MYLK: variants seen among roughly 807,000 people sequenced by gnomAD.
MYLK encodes myosin light chain kinase.
MYLK carries 106 observed loss-of-function variants against 203.4 expected under a neutral mutation model. The observed-to-expected ratio is 0.52, with a 90% CI of 0.45 to 0.61. MYLK has a LOEUF of 0.61. Ranked by LOEUF, MYLK falls within the 20% of genes least tolerant of loss-of-function variation. MYLK has a pLI of 0.00. For missense variants in MYLK, 2,072 were observed against 2,442.3 expected (o/e 0.85, Z 3.20); for synonymous variants, 867 against 959.5 (o/e 0.90, Z 1.78).
At position 123,709,902 on chromosome 3, in the gene MYLK, T is replaced by C; in HGVS notation, c.1805-9A>G. The stretch of plus-strand genomic sequence containing the variant: ...CCTGCTACTCTTCTTTTCTGTGTGG[T>C]AGAAAACAGAACGTGGGGTGAACAT... On this transcript the variant is annotated splice_polypyrimidine_tract_variant and intron_variant, in intron 13 of 33. Coordinates refer to ENST00000360304, the MANE Select transcript of MYLK (RefSeq NM_053025.4). 6.2e-7 allele frequency: 1 copy of C among 1,613,948 alleles called. No homozygotes were observed. Among genetic ancestry groups the C allele is most frequent in the East Asian group, 2.2e-5 (1 of 44,882 alleles).
chr3:123,782,029 C>T (rs962659121), intron 4 of MYLK, among the ~76,000 whole-genome samples: 6 of 152,148 alleles, frequency 3.9e-5, no homozygotes, highest in Non-Finnish European at 7.4e-5. Context: ...AGAGAACACA[C>T]ACTACAACAG....
intron 3 of MYLK, among the ~76,000 whole-genome samples, chr3:123,796,228 A>T (rs2064981386): frequency 6.6e-6 from 1 of 152,168 alleles, no homozygotes; most frequent in Non-Finnish European, 1.5e-5. Context: ...TTACAACAAC[A>T]CTATGAGACA....
chr3:123,683,299 G>A (rs1452334820), intron 19 of MYLK, among the ~76,000 whole-genome samples: 1 of 151,414 alleles, frequency 6.6e-6, no homozygotes, highest in Non-Finnish European at 1.5e-5. Flanking sequence ...GGGTGGGGGT[G>A]GGTGGGGGGA....
chr3:123,802,239 T>C (rs533867955), intron 3 of MYLK, among the ~76,000 whole-genome samples: 1 of 152,216 alleles, frequency 6.6e-6, no homozygotes, highest in Non-Finnish European at 1.5e-5. Context: ...CGGGGTACAA[T>C]CTCAGGGTTT....
At chr3:123,620,151 C>G in intron 32 of MYLK, 56 bp downstream of exon 32, 1 of 1,476,230 alleles carries the variant, frequency 6.8e-7, no homozygotes, top group Middle Eastern at 1.7e-4. Context: ...TCAAAATGCC[C>G]CTTTGTTCCC....
At position 123,863,200 on chromosome 3, in the gene MYLK, A is replaced by G. The variant is rs1210967304; in HGVS notation, c.-127+13359T>C. Among the ~76,000 whole-genome samples the G allele has an allele frequency of 2.0e-5, 3 of 152,298 alleles. No individual in the cohort carries two copies. In the East Asian group the frequency reaches 5.8e-4, roughly 29 times the overall value. On this transcript the variant is annotated intron_variant, in intron 2 of 33. Coordinates refer to ENST00000360304, the MANE Select transcript of MYLK (RefSeq NM_053025.4). ...GGATATCCACAGGGGCAAAAAAGAA[A>G]TCTTGATCCCTACTTCACACTATAC...
intron 2 of MYLK, among the ~76,000 whole-genome samples, chr3:123,854,137 C>T (rs1185351728): frequency 1.3e-5 from 2 of 148,874 alleles, no homozygotes; most frequent in Admixed American, 1.4e-4. Flanking sequence ...ATCATCTAGT[C>T]GCCGGCTGAC....
chr3:123,648,854 A>G lies in MYLK; in HGVS notation c.4415+117T>C. On this transcript the variant is annotated intron_variant, in intron 26 of 33. Transcript: ENST00000360304. The surrounding 1 kb of genome is among the most constrained non-coding windows in gnomAD (Gnocchi z 4.5). Reference sequence around the variant, plus strand: ...GTCCTTTGGATCCTGCAGGACTCTCAGTCTGGGGAGGAGGCAGGCCCCAGG... The same window carrying G: ...GTCCTTTGGATCCTGCAGGACTCTCGGTCTGGGGAGGAGGCAGGCCCCAGG... 6 of 847,614 alleles carry G rather than the reference A, an allele frequency of 7.1e-6. No homozygotes were observed. The highest frequency in any genetic ancestry group is 1.2e-5 in the Non-Finnish European group (6 of 500,018). The allele number at this position is 847,614 out of a possible 1,614,324, so 52.5% of individuals were successfully genotyped here.
chr3:123,761,162 C>T (rs967427476), intron 4 of MYLK, among the ~76,000 whole-genome samples: 5 of 152,196 alleles, frequency 3.3e-5, no homozygotes, highest in Admixed American at 1.3e-4. Flanking sequence ...GACTATAACC[C>T]CTCCATCAGC....
In MYLK at chr3:123,828,430, C is replaced by A. The variant is rs75176552; in HGVS notation, c.-4+3118G>T. On this transcript the variant is annotated intron_variant, in intron 3 of 33. Transcript: ENST00000360304. ...AGAAGAATAAGACTAGACCCCCCAC[C>A]GCTCATCCTATACAAAAATCAACTC... Among the ~76,000 whole-genome samples, 1,029 of 152,120 alleles carry A rather than the reference C, an allele frequency of 6.8e-3. 10 individuals are homozygous for A. The highest frequency in any genetic ancestry group is 0.021 in the African/African-American group (874 of 41,524).
rs114185424 is a variant in MYLK at position 123,708,934 on chromosome 3, G to A, written c.1943-39C>T. ...AGGGGAAGGGGGATTGGTTAGGGAG[G>A]TCCTCCCCGGCCATGCAGCAACTCT... On this transcript the variant is annotated intron_variant, in intron 14 of 33. Coordinates refer to ENST00000360304, the MANE Select transcript of MYLK (RefSeq NM_053025.4). 1,064 of 1,581,736 alleles carry A rather than the reference G, an allele frequency of 6.7e-4. 9 individuals are homozygous for A. The African/African-American group carries it at 0.013, about 20-fold the overall frequency.
rs188146760 is a variant in MYLK, at chr3:123,784,618, T to C, written c.165+9059A>G. ...CAGGATTTACTTTCTGTACTGTAAC[T>C]ATAATGAACACTTTTGACTTTTGTC... On this transcript the variant is annotated intron_variant, in intron 4 of 33. Transcript: ENST00000360304. 5.0e-3 allele frequency among the ~76,000 whole-genome samples: 768 copies of C among 152,324 alleles called. 2 individuals are homozygous for C. Among genetic ancestry groups the C allele is most frequent in the Middle Eastern group, 0.02 (6 of 294 alleles).
chr3:123,646,139 C>A (rs1379477964), intron 27 of MYLK, among the ~76,000 whole-genome samples: 1 of 152,088 alleles, frequency 6.6e-6, no homozygotes, highest in Non-Finnish European at 1.5e-5. Flanking sequence ...ACAACAACAA[C>A]AAACAAACCA....
Position 123,620,236 on chromosome 3 carries a change from G to C in MYLK, c.5339C>G (p.Pro1780Arg). The C allele has an allele frequency of 6.2e-7, 1 of 1,614,116 alleles. No homozygotes were observed. The highest frequency in any genetic ancestry group is 1.1e-5 in the South Asian group (1 of 91,084). The change falls in exon 32 of 34, where the codon CCG becomes CGG. Residue 1780 changes from proline to arginine, a missense_variant. Pro to Arg is a moderately radical substitution (Grantham distance 103, BLOSUM62 -2). Around this residue, in one of 3 missense-constraint regions of MYLK, gnomAD observed 524 missense variants for 782.4 expected, o/e 0.67. Transcript: ENST00000360304. ...AGATTCTAGTTTTTCTGCATTGAGC[G>C]GGCTGGTTGGTGACCCTGTTGAGGA... ...RKSSTGSPTS[P>R]LNAEKLESEE...
chr3:123,734,013 G>A lies in MYLK; in HGVS notation c.983C>T (p.Ser328Leu), dbSNP rs200143447. 56 of 1,614,226 alleles carry A rather than the reference G, an allele frequency of 3.5e-5. 1 individual carries two copies. Among genetic ancestry groups the A allele is most frequent in the South Asian group, 2.1e-4 (19 of 91,072 alleles). ...RESKLESCKD[S>L]PRTAPQTPVL... ...CGGGGTCTGCGGGGCCGTTCTGGGC[G>A]AGTCCTTGCATGACTCCAGCTTGGA... The change falls in exon 10 of 34, where the codon TCG becomes TTG. Residue 328 changes from serine to leucine, a missense_variant. By Grantham distance (145) the Ser-to-Leu change is moderately radical. This residue lies in a region of MYLK where 683 missense variants were observed against 643.8 expected (regional missense o/e 1.06). Transcript: ENST00000360304.
At chr3:123,771,837 A>T (rs1421117438) in intron 4 of MYLK, among the ~76,000 whole-genome samples, 2 of 152,200 alleles carry the variant, frequency 1.3e-5, no homozygotes, top group Non-Finnish European at 2.9e-5. Flanking sequence ...ACAACATTGA[A>T]TATCTCATGT....
chr3:123,854,944 A>C (rs2031215834), intron 2 of MYLK, among the ~76,000 whole-genome samples: 1 of 152,182 alleles, frequency 6.6e-6, no homozygotes, highest in Non-Finnish European at 1.5e-5. Context: ...TGCTGATGAA[A>C]TACCTGTCAG....
chr3:123,875,994 A>T (rs977499553), intron 2 of MYLK, among the ~76,000 whole-genome samples: 1 of 152,222 alleles, frequency 6.6e-6, no homozygotes, highest in Admixed American at 6.5e-5. Context: ...GAATACATAG[A>T]CAAAACCCTG....
chr3:123,798,125 C>A (rs935664960), intron 3 of MYLK, among the ~76,000 whole-genome samples: 5 of 152,180 alleles, frequency 3.3e-5, no homozygotes, highest in African/African-American at 1.2e-4. Context: ...ATGCTGGGCA[C>A]CCATCTCAAT....
Sources: gnomAD v4.1 joint callset for allele counts (sites outside exome capture counted in the v4.1 genomes callset) on GRCh38, gnomAD v4.1.1 for gene constraint, gnomAD v4.1.1 regional missense constraint, Gnocchi (gnomAD v3.1) non-coding constraint, MANE v1.5 for transcripts, NCBI Gene and HGNC (gene_info 2026-07-23, HGNC 2026-07-21) for gene names.